The following CSNK2A1 variants were observed in gnomAD, a reference collection of about 807,000 sequenced individuals.
CSNK2A1 encodes the protein casein kinase 2 alpha 1.
In CSNK2A1, 10 loss-of-function variants were observed where a neutral mutation model predicts 62.9. The ratio of observed to expected loss-of-function variants is 0.16; its 90% CI spans 0.10 to 0.27. CSNK2A1 has a LOEUF of 0.27. CSNK2A1 is among the 10% of genes least tolerant of loss of function. The probability of loss-of-function intolerance (pLI) is 1.00; values close to 1 mark genes in which losing one functional copy is unlikely to be tolerated. For missense variants in CSNK2A1, 160 were observed against 492.0 expected, an observed-to-expected ratio of 0.33 and a Z score of 6.38; for synonymous variants, 124 against 167.8, an observed-to-expected ratio of 0.74 and a Z score of 2.02.
At chr20:540,004 T>A (rs1359677089) in intron 1 of CSNK2A1, 1 of 152,204 alleles carries the variant, frequency 6.6e-6, no homozygotes, top group Non-Finnish European at 1.5e-5. Context: ...ATCTAGGGAA[T>A]CTCCATTCCA....
In CSNK2A1 at chr20:494,609, G is replaced by A. The variant is rs2018307206; in HGVS notation, c.510+1110C>T. ...TTATTTTAGCTGTTCTAATAAATGT[G>A]TAGTTAACTTTTAAATTTCAAGTGA... is the stretch of plus-strand genomic sequence containing the variant. On this transcript the variant is annotated intron_variant, in intron 8 of 13. Coordinates refer to ENST00000217244, the MANE Select transcript of CSNK2A1 (RefSeq NM_177559.3). The A allele has an allele frequency of 2.0e-5, 3 of 152,206 alleles. No individual in the cohort carries two copies. The South Asian group carries it at 6.2e-4, about 31-fold the overall frequency. The allele number at this position is 152,206 out of a possible 1,614,324, so 9.4% of individuals were successfully genotyped here.
chr20:535,175 G>A (rs1266331240), intron 1 of CSNK2A1, among the ~76,000 whole-genome samples: 3 of 151,752 alleles, frequency 2.0e-5, no homozygotes, highest in Admixed American at 6.6e-5. Flanking sequence ...GGGCAACATG[G>A]TGAGACCTTG....
chr20:487,897 C>T (rs2018133344), intron 11 of CSNK2A1: 1 of 368,930 alleles, frequency 2.7e-6, no homozygotes. Context: ...TATTTCCCAT[C>T]CCCACACATA....
chr20:502,353 A>G (rs779298584), intron 4 of CSNK2A1: 3 of 152,080 alleles, frequency 2.0e-5, no homozygotes, highest in Non-Finnish European at 4.4e-5. Context: ...TAACCCAACA[A>G]CTTACCTCCT....
At chr20:514,501 C>T (rs982409713) in intron 2 of CSNK2A1, among the ~76,000 whole-genome samples, 1 of 152,020 alleles carries the variant, frequency 6.6e-6, no homozygotes, top group Non-Finnish European at 1.5e-5. Context: ...GGTGCAATCT[C>T]GCTCGGCTCA....
chr20:485,337 A>AC (rs1177876826), intron 13 of CSNK2A1, among the ~76,000 whole-genome samples: 1 of 151,246 alleles, frequency 6.6e-6, no homozygotes, highest in Non-Finnish European at 1.5e-5. Context: ...CGCCGCCGCC[A>AC]CGCCCAGCTA....
intron 12 of CSNK2A1, chr20:486,700 G>A (rs188443193): frequency 7.6e-5 from 37 of 487,580 alleles, no homozygotes; most frequent in East Asian, 3.5e-4. Flanking sequence ...GTAGAAAGAT[G>A]AGGTAATTAT....
In CSNK2A1 at chr20:489,927, T is replaced by C. The variant is rs199910342; in HGVS notation, c.622-46A>G. On this transcript the variant is annotated intron_variant, in intron 9 of 13. Coordinates refer to ENST00000217244, the MANE Select transcript of CSNK2A1 (RefSeq NM_177559.3). Reference sequence around the variant, plus strand: ...TGTTATTATCTGTGAATCCTCAGGCTTGTCACTTCAAAATAAAAAATTAAT... The same window carrying C: ...TGTTATTATCTGTGAATCCTCAGGCCTGTCACTTCAAAATAAAAAATTAAT... The C allele has an allele frequency of 1.3e-4, 186 of 1,421,600 alleles. 1 individual carries two copies. The African/African-American group carries it at 2.2e-3, about 17-fold the overall frequency. 88.1% of individuals were successfully genotyped at this position (1,421,600 alleles called of 1,614,324 possible). A position where few individuals can be genotyped will look rare whatever the true frequency, so the allele number is the denominator to read the frequency against.
At chr20:525,340 C>T (rs1018308934) in intron 2 of CSNK2A1, among the ~76,000 whole-genome samples, 2 of 151,446 alleles carry the variant, frequency 1.3e-5, no homozygotes, top group East Asian at 2.0e-4. Context: ...GGCGAGACCT[C>T]GCCTCTATAA....
intron 2 of CSNK2A1, among the ~76,000 whole-genome samples, chr20:525,304 G>A (rs1438916603): frequency 6.6e-6 from 1 of 151,968 alleles, no homozygotes; most frequent in African/African-American, 2.4e-5. Context: ...TTGAATCTAG[G>A]AGTTCGAGAC....
In CSNK2A1 at chr20:508,438, C is replaced by T. The variant is rs750911969; in HGVS notation, c.101+13G>A. On this transcript the variant is annotated intron_variant, in intron 3 of 13. Coordinates refer to ENST00000217244, the MANE Select transcript of CSNK2A1 (RefSeq NM_177559.3). ...CTTTGAGTGAGTATAATGAAGTCAA[C>T]AAAAACAATTACCCCCATTCCACCA... 3.7e-6 allele frequency: 6 copies of T among 1,613,640 alleles called. No individual in the cohort carries two copies. The South Asian group carries it at 5.5e-5, about 15-fold the overall frequency.
intron 2 of CSNK2A1, among the ~76,000 whole-genome samples, chr20:511,784 G>A (rs1337431708): frequency 6.6e-6 from 1 of 152,014 alleles, no homozygotes; most frequent in African/African-American, 2.4e-5. Flanking sequence ...TGCTTCCACA[G>A]CTTGGCTATT....
intron 3 of CSNK2A1, chr20:507,760 T>C (rs113156516): frequency 6.6e-6 from 1 of 152,212 alleles, no homozygotes; most frequent in African/African-American, 2.4e-5. Flanking sequence ...ATATAAGACT[T>C]TGGTGTTTTC....
chr20:525,954 G>A (rs1198601068), intron 2 of CSNK2A1, among the ~76,000 whole-genome samples: 1 of 151,564 alleles, frequency 6.6e-6, no homozygotes, highest in Non-Finnish European at 1.5e-5. Context: ...GCAGTGAGCT[G>A]TGATTATGCC....
chr20:521,393 A>G (rs1296805267), intron 2 of CSNK2A1, among the ~76,000 whole-genome samples: 1 of 152,240 alleles, frequency 6.6e-6, no homozygotes, highest in Non-Finnish European at 1.5e-5. Flanking sequence ...AAAATTTAAA[A>G]AAACAGAAAA....
At chr20:511,136 C>T (rs537181066) in intron 2 of CSNK2A1, among the ~76,000 whole-genome samples, 177 of 152,100 alleles carry the variant, frequency 1.2e-3, no homozygotes, top group Non-Finnish European at 2.0e-3. Flanking sequence ...CCCAGGAGTT[C>T]GCAACCAGTC....
rs1045259341 is a variant in CSNK2A1, at chr20:542,336, T to A, written c.-227+1336A>T. Among the ~76,000 whole-genome samples the A allele has an allele frequency of 2.5e-3, 383 of 152,336 alleles. 2 individuals carry two copies. The highest frequency in any genetic ancestry group is 8.9e-3 in the African/African-American group (370 of 41,568). ...AGCTAAGTAGCAATGGCCCTGATAT[T>A]TGAGAACCTAGGCAGTCTGGTTTTT... On this transcript the variant is annotated intron_variant, in intron 1 of 13. Coordinates refer to ENST00000217244, the MANE Select transcript of CSNK2A1 (RefSeq NM_177559.3).
At chr20:507,337 A>G (rs1191009902) in intron 3 of CSNK2A1, 4 of 152,246 alleles carry the variant, frequency 2.6e-5, no homozygotes, top group African/African-American at 9.6e-5. Context: ...GAAGCCATCC[A>G]CTAACCACTT....
intron 8 of CSNK2A1, 170 bp from the exon 9 acceptor site, chr20:492,534 T>G (rs1413508832): frequency 3.2e-6 from 2 of 629,646 alleles, no homozygotes; most frequent in African/African-American, 3.7e-5. Flanking sequence ...TTGACAAACC[T>G]CTTTCTCCAT....
Sources: gnomAD v4.1 joint callset for allele counts (sites outside exome capture counted in the v4.1 genomes callset) on GRCh38, gnomAD v4.1.1 for gene constraint, MANE v1.5 for transcripts, NCBI Gene and HGNC (gene_info 2026-07-23, HGNC 2026-07-21) for gene names.